Variants in DOCK8 observed in about 807,000 individuals in gnomAD.
DOCK8 encodes dedicator of cytokinesis protein 8.
A neutral mutation model predicts 245.6 loss-of-function variants in DOCK8; 141 were observed. The observed-to-expected ratio is 0.57, with a 90% CI of 0.50 to 0.66. The LOEUF is 0.66. DOCK8 is among the 30% of genes least tolerant of loss of function. The pLI, the probability that DOCK8 is intolerant of heterozygous loss-of-function variation, is 0.00. For synonymous variants in DOCK8, 1,168 were observed against 970.2 expected (o/e 1.20, Z -3.79); for missense variants, 2,965 against 2,603.4 (o/e 1.14, Z -3.02).
intron 4 of DOCK8, among the ~76,000 whole-genome samples, chr9:295,120 A>G (rs1586624038): frequency 6.6e-6 from 1 of 152,054 alleles, no homozygotes; most frequent in African/African-American, 2.4e-5. Context: ...AGATCATGCC[A>G]TTGTACTCCA....
At chr9:358,350 T>G (rs2052549206) in intron 14 of DOCK8, among the ~76,000 whole-genome samples, 1 of 152,190 alleles carries the variant, frequency 6.6e-6, no homozygotes, top group East Asian at 1.9e-4. Flanking sequence ...TGCCTTGACC[T>G]CCCAAAGTGC....
At chr9:268,845 C>T (rs898912579) in intron 1 of DOCK8, among the ~76,000 whole-genome samples, 7 of 152,148 alleles carry the variant, frequency 4.6e-5, no homozygotes, top group South Asian at 2.1e-4. Flanking sequence ...AAACACAAGA[C>T]ACATTGTTGC....
At chr9:443,905 G>A (rs929863112) in intron 43 of DOCK8, among the ~76,000 whole-genome samples, 1 of 152,134 alleles carries the variant, frequency 6.6e-6, no homozygotes, top group African/African-American at 2.4e-5. Flanking sequence ...TCAGACTTGA[G>A]GTCTGTTGCT....
chr9:292,121 AGCACTTTGGGAG>A (rs1383853873), intron 4 of DOCK8, among the ~76,000 whole-genome samples: 2 of 148,114 alleles, frequency 1.4e-5, no homozygotes, highest in South Asian at 2.1e-4. Flanking sequence ...CTGTAATCCC[AGCACTTTGGGAG>A]GCCAAGACGG....
At chr9:432,136 T>A (rs1245827160) in intron 36 of DOCK8, 30 bp from the exon 37 acceptor site, 3 of 1,550,176 alleles carry the variant, frequency 1.9e-6, no homozygotes, top group Non-Finnish European at 2.6e-6. Flanking sequence ...CTTATTTACT[T>A]CATCTTTTTT....
intron 33 of DOCK8, among the ~76,000 whole-genome samples, chr9:422,748 G>A (rs2056325460): frequency 1.3e-5 from 2 of 152,306 alleles, no homozygotes; most frequent in East Asian, 3.9e-4. Flanking sequence ...ACTTTGGGAG[G>A]CTGAGGCCGG....
Position 304,769 on chromosome 9 carries a change from G to C in DOCK8, c.528+65G>C, listed in dbSNP as rs13292474. The C allele has an allele frequency of 3.1e-6, 5 of 1,610,716 alleles. No individual in the cohort carries two copies. In the Admixed American group the frequency reaches 6.7e-5, roughly 21 times the overall value. On this transcript the variant is annotated intron_variant, in intron 5 of 47. Coordinates refer to ENST00000432829, the MANE Select transcript of DOCK8 (RefSeq NM_203447.4). ...CTCTTCTGCCCAGGGCATGCTGTCA[G>C]TTTTACAAACTAGAATAAACGATAG...
At chr9:243,264 A>T (rs7039282) in intron 1 of DOCK8, among the ~76,000 whole-genome samples, 1,912 of 152,292 alleles carry the variant, frequency 0.013, 52 homozygotes, top group African/African-American at 0.044. Context: ...TGTATAACAA[A>T]TACATTTCAA....
intron 1 of DOCK8, among the ~76,000 whole-genome samples, chr9:263,178 A>C (rs1460032220): frequency 6.6e-6 from 1 of 151,586 alleles, no homozygotes; most frequent in African/African-American, 2.4e-5. Flanking sequence ...CTGCACTTCA[A>C]CCTGGGTGAC....
At chr9:405,148 T>A (rs2055354617) in intron 27 of DOCK8, 75 bp downstream of exon 27, 2 of 1,434,436 alleles carry the variant, frequency 1.4e-6, no homozygotes, top group Non-Finnish European at 1.9e-6. Flanking sequence ...ATCATGTATT[T>A]CCTATAAAGG....
intron 37 of DOCK8, among the ~76,000 whole-genome samples, chr9:433,304 G>A (rs1425792283): frequency 6.6e-6 from 1 of 152,230 alleles, no homozygotes; most frequent in African/African-American, 2.4e-5. Context: ...GAGGGGAACG[G>A]GGATAAGACA....
intron 33 of DOCK8, among the ~76,000 whole-genome samples, chr9:424,430 G>A (rs1404849209): frequency 2.0e-5 from 3 of 150,626 alleles, no homozygotes; most frequent in Admixed American, 2.0e-4. Flanking sequence ...CTTTTTTTGA[G>A]ACAAGGTCTC....
At chr9:229,124 A>C (rs1204415646) in intron 1 of DOCK8, among the ~76,000 whole-genome samples, 1 of 152,230 alleles carries the variant, frequency 6.6e-6, no homozygotes, top group Non-Finnish European at 1.5e-5. Flanking sequence ...TCAGCTTCAA[A>C]GAGTAGGAGA....
intron 26 of DOCK8, among the ~76,000 whole-genome samples, chr9:400,006 T>A (rs62531865): frequency 0.31 from 24,874 of 79,808 alleles, 4,151 homozygotes; most frequent in East Asian, 0.52. Flanking sequence ...CTCCACCACC[T>A]CCACCATCAC....
chr9:417,203 G>A (rs1194888096), intron 29 of DOCK8, among the ~76,000 whole-genome samples: 2 of 152,186 alleles, frequency 1.3e-5, no homozygotes, highest in Admixed American at 6.5e-5. Context: ...TGAGGTAGGA[G>A]GATGGAGGGG....
intron 1 of DOCK8, among the ~76,000 whole-genome samples, chr9:233,473 ATCTG>A (rs2047167437): frequency 6.6e-6 from 1 of 152,080 alleles, no homozygotes; most frequent in Non-Finnish European, 1.5e-5. Flanking sequence ...TGTCTCACTG[ATCTG>A]TCTAATGTTG....
At chr9:378,357 CAGT>C (rs1329170191) in intron 20 of DOCK8, among the ~76,000 whole-genome samples, 2 of 152,214 alleles carry the variant, frequency 1.3e-5, no homozygotes, top group Non-Finnish European at 2.9e-5. Context: ...GGAAGAAAGT[CAGT>C]AGCACAGTTG....
At position 373,379 on chromosome 9, in the gene DOCK8, A is replaced by G. The variant is rs192822884; in HGVS notation, c.2109+1093A>G. The stretch of plus-strand genomic sequence containing the variant: ...TTTTAACCATCACAATACCATTGTC[A>G]TACTTTAAAATTTTAACTGTAATTT... On this transcript the variant is annotated intron_variant, in intron 18 of 47. Coordinates refer to ENST00000432829, the MANE Select transcript of DOCK8 (RefSeq NM_203447.4). 9.4e-4 allele frequency among the ~76,000 whole-genome samples: 143 copies of G among 152,358 alleles called. No individual in the cohort carries two copies. In the Middle Eastern group the frequency reaches 0.01, roughly 11 times the overall value.
intron 1 of DOCK8, among the ~76,000 whole-genome samples, chr9:259,055 C>T (rs987876683): frequency 2.0e-5 from 3 of 152,018 alleles, no homozygotes; most frequent in African/African-American, 4.8e-5. Flanking sequence ...GCCTATAATC[C>T]CAGCAATTTG....
Sources: allele counts gnomAD v4.1 joint callset (sites outside exome capture counted in the v4.1 genomes callset), GRCh38; gene constraint gnomAD v4.1.1; transcripts MANE v1.5; gene names NCBI Gene and HGNC (gene_info 2026-07-23, HGNC 2026-07-21).